Variants in KCNQ1OT1 observed in about 807,000 individuals in gnomAD.
KCNQ1OT1 encodes KCNQ1 opposite strand/antisense transcript 1, also known as KCNQ1 antisense RNA 2 (non-protein coding).
chr11:2,681,171 G>C (rs1850390111), exon 1 of KCNQ1OT1: 1 of 398,478 alleles, frequency 2.5e-6, no homozygotes, highest in African/African-American at 2.1e-5. Flanking sequence ...TGAATGCTAA[G>C]AGGGTTTGGA....
chr11:2,627,401 C>G lies in KCNQ1OT1; in HGVS notation n.72594G>C. The G allele has an allele frequency of 2.5e-6, 1 of 398,486 alleles. No homozygotes were observed. Among genetic ancestry groups the G allele is most frequent in the Non-Finnish European group, 4.4e-6 (1 of 226,024 alleles). 24.7% of individuals were successfully genotyped at this position (398,486 alleles called of 1,614,324 possible). A position where few individuals can be genotyped will look rare whatever the true frequency, so the allele number is the denominator to read the frequency against. On this transcript the variant is annotated non_coding_transcript_exon_variant, in exon 1 of 1. Transcript: ENST00000597346. The surrounding 1 kb of genome is among the most constrained non-coding windows in gnomAD (Gnocchi z 4.9). ...ATAGTCACCAATCTGGACGTTATGT[C>G]AAGAACTTATTCATCTGATAACTCT...
exon 1 of KCNQ1OT1, chr11:2,686,209 A>T: frequency 5.0e-6 from 2 of 398,758 alleles, no homozygotes; most frequent in Non-Finnish European, 8.8e-6. Flanking sequence ...CCCTGCTCCA[A>T]CCTAGCTGTG....
chr11:2,617,695 C>T lies in KCNQ1OT1; in HGVS notation n.82300G>A. On this transcript the variant is annotated non_coding_transcript_exon_variant, in exon 1 of 1. Transcript: ENST00000597346. This position sits in a 1 kb window ranked among gnomAD's most constrained non-coding sequence, Gnocchi z 4.6. The stretch of plus-strand genomic sequence containing the variant: ...GTCCCACCAACACTGTACAAGAGTT[C>T]CCTAACCCTAGCCAACACTTAATAG... 2.5e-6 allele frequency: 1 copy of T among 398,410 alleles called. No individual in the cohort carries two copies. The highest frequency in any genetic ancestry group is 4.4e-6 in the Non-Finnish European group (1 of 225,954). 24.7% of individuals were successfully genotyped at this position (398,410 alleles called of 1,614,324 possible).
chr11:2,661,614 CCT>C lies in KCNQ1OT1; in HGVS notation n.38379_38380del, dbSNP rs1257694632. ...TCCCTTACCAGGCCTGTGCCTGTCA[CCT>C]CTGTTTTATTCTTGACCCAAGTGTC... On this transcript the variant is annotated non_coding_transcript_exon_variant, in exon 1 of 1. Coordinates refer to ENST00000597346, the Ensembl canonical transcript of KCNQ1OT1. This position sits in a 1 kb window ranked among gnomAD's most constrained non-coding sequence, Gnocchi z 5.9. The C allele has an allele frequency of 5.1e-6, 3 of 582,926 alleles. No individual in the cohort carries two copies. Among genetic ancestry groups the C allele is most frequent in the Non-Finnish European group, 9.2e-6 (3 of 327,438 alleles). The allele number at this position is 582,926 out of a possible 1,614,324, so 36.1% of individuals were successfully genotyped here. A position where few individuals can be genotyped will look rare whatever the true frequency, so the allele number is the denominator to read the frequency against.
chr11:2,655,770 C>A, exon 1 of KCNQ1OT1: 1 of 395,976 alleles, frequency 2.5e-6, no homozygotes, highest in South Asian at 1.3e-4. Context: ...CAGCTCTGGT[C>A]ACTGCCTCCC....
In KCNQ1OT1 at chr11:2,676,432, G is replaced by C; in HGVS notation, n.23563C>G. On this transcript the variant is annotated non_coding_transcript_exon_variant, in exon 1 of 1. Coordinates refer to ENST00000597346, the Ensembl canonical transcript of KCNQ1OT1. This position sits in a 1 kb window ranked among gnomAD's most constrained non-coding sequence, Gnocchi z 4.2. Reference sequence around the variant, plus strand: ...AGCCCAATGGGCTGGGCTTTTCCCAGATAGGACATGCTCACTGTTCTGCTC... The same window carrying C: ...AGCCCAATGGGCTGGGCTTTTCCCACATAGGACATGCTCACTGTTCTGCTC... The C allele has an allele frequency of 2.5e-6, 1 of 398,664 alleles. No individual in the cohort carries two copies. The highest frequency in any genetic ancestry group is 4.4e-6 in the Non-Finnish European group (1 of 226,076). The allele number at this position is 398,664 out of a possible 1,614,324, so 24.7% of individuals were successfully genotyped here.
In KCNQ1OT1 at chr11:2,671,461, A is replaced by G. The variant is rs1261112630; in HGVS notation, n.28534T>C. 7.5e-6 allele frequency: 3 copies of G among 398,508 alleles called. No individual in the cohort carries two copies. Among genetic ancestry groups the G allele is most frequent in the Admixed American group, 4.4e-5 (1 of 22,726 alleles). 24.7% of individuals were successfully genotyped at this position (398,508 alleles called of 1,614,324 possible). ...TTAGCAGGCAGAAGAGCAACCCAGC[A>G]GGGGATATACACAAAGATCTGAGAA... On this transcript the variant is annotated non_coding_transcript_exon_variant, in exon 1 of 1. Coordinates refer to ENST00000597346, the Ensembl canonical transcript of KCNQ1OT1. This position sits in a 1 kb window ranked among gnomAD's most constrained non-coding sequence, Gnocchi z 4.7.
exon 1 of KCNQ1OT1, chr11:2,689,296 C>T: frequency 2.5e-6 from 1 of 398,716 alleles, no homozygotes; most frequent in Non-Finnish European, 4.4e-6. Flanking sequence ...CCACTCCAAC[C>T]CTAAGACTCA....
At chr11:2,633,247 C>T in exon 1 of KCNQ1OT1, 1 of 398,420 alleles carries the variant, frequency 2.5e-6, no homozygotes, top group African/African-American at 2.1e-5. Context: ...GTGTTTTTTG[C>T]TGTTGAATTG....
rs1187819029 is a variant in KCNQ1OT1, at chr11:2,661,870, C to T, written n.38125G>A. ...GCTTCCAGGCACAAGCTCCACTCCTCACCTGGCCCTGGGAGCTCACAGGCC... is the reference window on the plus strand; with the variant it reads ...GCTTCCAGGCACAAGCTCCACTCCTTACCTGGCCCTGGGAGCTCACAGGCC... On this transcript the variant is annotated non_coding_transcript_exon_variant, in exon 1 of 1. Transcript: ENST00000597346. This position sits in a 1 kb window ranked among gnomAD's most constrained non-coding sequence, Gnocchi z 5.9. 1 of 1,533,608 alleles carries T rather than the reference C, an allele frequency of 6.5e-7. No homozygotes were observed. The highest frequency in any genetic ancestry group is 1.1e-5 in the South Asian group (1 of 89,378).
At chr11:2,662,684 A>G (rs1398673232) in exon 1 of KCNQ1OT1, 1 of 403,648 alleles carries the variant, frequency 2.5e-6, no homozygotes, top group Non-Finnish European at 4.4e-6. Context: ...TGGGGTGCCC[A>G]GCGGTGACAG....
At chr11:2,680,708 G>C in exon 1 of KCNQ1OT1, 1 of 398,122 alleles carries the variant, frequency 2.5e-6, no homozygotes, top group African/African-American at 2.1e-5. Flanking sequence ...CCCTTTTATA[G>C]CTACCCCCAA....
chr11:2,640,813 A>C (rs1292759747), exon 1 of KCNQ1OT1: 1 of 398,200 alleles, frequency 2.5e-6, no homozygotes, highest in East Asian at 3.6e-5. Flanking sequence ...CCACTAACCA[A>C]CCTCTCTTCA....
exon 1 of KCNQ1OT1, chr11:2,675,735 C>T (rs1184314865): frequency 2.5e-6 from 1 of 398,594 alleles, no homozygotes; most frequent in Non-Finnish European, 4.4e-6. Context: ...CCCTGCTCCA[C>T]AGAGTGACAT....
rs1590028109 is a variant in KCNQ1OT1, at chr11:2,680,630, T to C, written n.19365A>G. 12 of 398,512 alleles carry C rather than the reference T, an allele frequency of 3.0e-5. No homozygotes were observed. In the East Asian group the frequency reaches 3.9e-4, roughly 13 times the overall value. 24.7% of individuals were successfully genotyped at this position (398,512 alleles called of 1,614,324 possible). ...CTTGCAAAACTGTAGTACAATATTC[T>C]GACCAGGATATTGCATTGATAGTCT... On this transcript the variant is annotated non_coding_transcript_exon_variant, in exon 1 of 1. Coordinates refer to ENST00000597346, the Ensembl canonical transcript of KCNQ1OT1.
In KCNQ1OT1 at chr11:2,658,691, T is replaced by C. The variant is rs775712622; in HGVS notation, n.41304A>G. 1.3e-5 allele frequency: 5 copies of C among 398,460 alleles called. No individual in the cohort carries two copies. Among genetic ancestry groups the C allele is most frequent in the Admixed American group, 4.4e-5 (1 of 22,720 alleles). 24.7% of individuals were successfully genotyped at this position (398,460 alleles called of 1,614,324 possible). ...TCTCAGTGGACAGAGCTAGGAAATATATGTATGTATGTAACCTGAGTACAC... is the reference window on the plus strand; with the variant it reads ...TCTCAGTGGACAGAGCTAGGAAATACATGTATGTATGTAACCTGAGTACAC... On this transcript the variant is annotated non_coding_transcript_exon_variant, in exon 1 of 1. Coordinates refer to ENST00000597346, the Ensembl canonical transcript of KCNQ1OT1. This position sits in a 1 kb window ranked among gnomAD's most constrained non-coding sequence, Gnocchi z 4.9.
exon 1 of KCNQ1OT1, chr11:2,649,774 G>T (rs924355302): frequency 5.0e-6 from 2 of 398,344 alleles, no homozygotes; most frequent in Non-Finnish European, 8.8e-6. Flanking sequence ...CCTCAGAGAG[G>T]CCCTTTTAGG....
In KCNQ1OT1 at chr11:2,623,312, G is replaced by T; in HGVS notation, n.76683C>A. The T allele has an allele frequency of 2.5e-6, 1 of 398,688 alleles. No individual in the cohort carries two copies. The highest frequency in any genetic ancestry group is 1.3e-4 in the South Asian group (1 of 7,846). 24.7% of individuals were successfully genotyped at this position (398,688 alleles called of 1,614,324 possible). ...CTCAGGTAGTTCTTTATAGCACTGT[G>T]AGAACGGACTAATATGCATGTATCT... On this transcript the variant is annotated non_coding_transcript_exon_variant, in exon 1 of 1. Transcript: ENST00000597346. The surrounding 1 kb of genome is among the most constrained non-coding windows in gnomAD (Gnocchi z 5.2).
chr11:2,609,617 G>A (rs1382573975), exon 1 of KCNQ1OT1: 3 of 398,240 alleles, frequency 7.5e-6, no homozygotes, highest in African/African-American at 4.1e-5. Flanking sequence ...TGAAAGTGGA[G>A]TGTTGAAGTC....
Sources: allele counts gnomAD v4.1 joint callset, GRCh38; gene constraint gnomAD v4.1.1; non-coding constraint Gnocchi (gnomAD v3.1); transcripts MANE v1.5; gene names NCBI Gene and HGNC (gene_info 2026-07-23, HGNC 2026-07-21).